Variants in KHDRBS2 observed in about 807,000 individuals in gnomAD.
KHDRBS2 encodes the protein KH RNA binding domain containing, signal transduction associated 2.
Under a neutral mutation model 44.3 loss-of-function variants are expected in KHDRBS2, and 26 were observed. The observed-to-expected ratio is 0.59, with a 90% CI of 0.43 to 0.81. KHDRBS2 has a LOEUF of 0.81. KHDRBS2 is among the 40% of genes least tolerant of loss of function. The pLI is 0.00. For missense variants in KHDRBS2, 476 were observed against 433.1 expected, an observed-to-expected ratio of 1.10 and a Z score of -0.88; for synonymous variants, 194 against 151.1, an observed-to-expected ratio of 1.28 and a Z score of -2.08.
At chr6:62,230,019 TTC>T (rs758806522) in intron 1 of KHDRBS2, among the ~76,000 whole-genome samples, 7 of 152,226 alleles carry the variant, frequency 4.6e-5, no homozygotes, top group Non-Finnish European at 1.0e-4. Flanking sequence ...AACCTGGACA[TTC>T]TCTTTTTGTG....
chr6:61,866,413 C>T (rs1273698455), intron 6 of KHDRBS2, among the ~76,000 whole-genome samples: 1 of 152,168 alleles, frequency 6.6e-6, no homozygotes, highest in Non-Finnish European at 1.5e-5. Flanking sequence ...TGGAGCAGCT[C>T]GGATGCAGGG....
At chr6:61,870,284 G>A (rs1429981083) in intron 6 of KHDRBS2, among the ~76,000 whole-genome samples, 2 of 152,138 alleles carry the variant, frequency 1.3e-5, no homozygotes, top group Non-Finnish European at 2.9e-5. Flanking sequence ...TGGGAAGTTC[G>A]AACGGGACGG....
chr6:61,719,587 T>C (rs999570591), intron 7 of KHDRBS2, among the ~76,000 whole-genome samples: 2 of 152,094 alleles, frequency 1.3e-5, no homozygotes, highest in South Asian at 2.1e-4. Flanking sequence ...CCCTGGAAAC[T>C]GTAATACTAG....
intron 1 of KHDRBS2, among the ~76,000 whole-genome samples, chr6:62,274,405 T>C (rs898599022): frequency 1.3e-5 from 2 of 152,152 alleles, no homozygotes; most frequent in African/African-American, 4.8e-5. Flanking sequence ...TTAGCATTGC[T>C]TGTAGCATAA....
At chr6:61,677,224 T>C (rs1765995630), downstream of KHDRBS2, among the ~76,000 whole-genome samples, 1 of 151,898 alleles carries the variant, frequency 6.6e-6, no homozygotes, top group Admixed American at 6.6e-5. Flanking sequence ...ATCAAAAGAA[T>C]AACAACCTAT....
chr6:61,769,821 C>G (rs1398161939), intron 6 of KHDRBS2, among the ~76,000 whole-genome samples: 2 of 152,210 alleles, frequency 1.3e-5, no homozygotes, highest in African/African-American at 2.4e-5. Context: ...CCCTCTCTGA[C>G]AGCTTTGAAG....
At chr6:61,966,835 C>T (rs1222958594) in intron 4 of KHDRBS2, among the ~76,000 whole-genome samples, 1 of 151,752 alleles carries the variant, frequency 6.6e-6, no homozygotes, top group East Asian at 1.9e-4. Flanking sequence ...TTCTGCCTCT[C>T]CCTATCATGC....
chr6:62,047,766 T>C (rs1395620779), intron 3 of KHDRBS2, 112 bp downstream of exon 3: 35 of 707,128 alleles, frequency 4.9e-5, no homozygotes, highest in Middle Eastern at 5.0e-4. Flanking sequence ...TCCCAGGAAA[T>C]GGAAATCATA....
At chr6:62,100,569 T>A (rs564470525) in intron 2 of KHDRBS2, among the ~76,000 whole-genome samples, 2 of 152,180 alleles carry the variant, frequency 1.3e-5, no homozygotes, top group Non-Finnish European at 2.9e-5. Flanking sequence ...CCACAACCAC[T>A]CTAACCTTCA....
intron 2 of KHDRBS2, among the ~76,000 whole-genome samples, chr6:62,120,760 T>C (rs183042269): frequency 6.6e-6 from 1 of 152,116 alleles, no homozygotes; most frequent in Non-Finnish European, 1.5e-5. Context: ...GGCCCTTCAA[T>C]CAATTTAGGA....
At chr6:62,274,968 T>C (rs1230163795) in intron 1 of KHDRBS2, among the ~76,000 whole-genome samples, 9 of 150,722 alleles carry the variant, frequency 6.0e-5, no homozygotes, top group Non-Finnish European at 5.9e-5. Flanking sequence ...AATTAACGTA[T>C]GCTTAACAAA....
At chr6:61,692,530 T>A (rs1028027033) in intron 8 of KHDRBS2, among the ~76,000 whole-genome samples, 4 of 152,202 alleles carry the variant, frequency 2.6e-5, no homozygotes, top group Non-Finnish European at 5.9e-5. Context: ...TGATAAAACC[T>A]AAAATAATAC....
intron 3 of KHDRBS2, among the ~76,000 whole-genome samples, chr6:61,993,282 C>T (rs1034954731): frequency 1.3e-5 from 2 of 152,012 alleles, no homozygotes; most frequent in African/African-American, 4.8e-5. Context: ...ATGTTTTCTT[C>T]ATAGTATCAC....
At chr6:61,773,943 C>T (rs1781471009) in intron 6 of KHDRBS2, among the ~76,000 whole-genome samples, 1 of 152,064 alleles carries the variant, frequency 6.6e-6, no homozygotes, top group Non-Finnish European at 1.5e-5. Flanking sequence ...TGTCAAAGAT[C>T]AGATAGTTGT....
At chr6:62,013,298 T>G (rs1448322912) in intron 3 of KHDRBS2, among the ~76,000 whole-genome samples, 1 of 152,144 alleles carries the variant, frequency 6.6e-6, no homozygotes, top group Non-Finnish European at 1.5e-5. Flanking sequence ...GAATAGAATT[T>G]ATTGAAAAAT....
intron 2 of KHDRBS2, among the ~76,000 whole-genome samples, chr6:62,065,842 TAA>T (rs1204138205): frequency 6.6e-6 from 1 of 151,786 alleles, no homozygotes; most frequent in Non-Finnish European, 1.5e-5. Flanking sequence ...AATATGCTTA[TAA>T]AAATGATTCA....
the KHDRBS2 span, among the ~76,000 whole-genome samples, chr6:61,674,675 A>T: frequency 1.1e-4 from 17 of 151,720 alleles, no homozygotes; most frequent in African/African-American, 3.6e-4. Context: ...ACAATTCAGT[A>T]TTTTCAATCA....
chr6:62,126,661 T>A (rs1370340185), intron 2 of KHDRBS2, among the ~76,000 whole-genome samples: 7 of 152,160 alleles, frequency 4.6e-5, no homozygotes, highest in Non-Finnish European at 1.0e-4. Context: ...TGGGGAAAAG[T>A]AAGGGAAGGA....
At chr6:61,778,560 A>T (rs1782458168) in intron 6 of KHDRBS2, among the ~76,000 whole-genome samples, 1 of 152,144 alleles carries the variant, frequency 6.6e-6, no homozygotes, top group African/African-American at 2.4e-5. Flanking sequence ...AAAAGATAAA[A>T]AGACAAATTC....
Sources: allele counts gnomAD v4.1 joint callset (sites outside exome capture counted in the v4.1 genomes callset), GRCh38; gene constraint gnomAD v4.1.1; transcripts MANE v1.5; gene names NCBI Gene and HGNC (gene_info 2026-07-23, HGNC 2026-07-21).